The following GRK7 variants were observed in gnomAD, a reference collection of about 807,000 sequenced individuals.
The protein encoded by GRK7 is G protein-coupled receptor kinase 7, also known as rhodopsin kinase GRK7.
A neutral mutation model predicts 34.1 loss-of-function variants in GRK7; 24 were observed. The ratio of observed to expected loss-of-function variants is 0.70; its 90% CI spans 0.51 to 0.99. GRK7 has a LOEUF of 0.99. GRK7 is among the 50% of genes least tolerant of loss of function. GRK7 has a pLI of 0.00. For missense variants in GRK7, 644 were observed against 707.3 expected (o/e 0.91, Z 1.02); for synonymous variants, 256 against 279.4 (o/e 0.92, Z 0.84).
At position 141,807,769 on chromosome 3, in the gene GRK7, A is replaced by C. The variant is rs1233934126; in HGVS notation, c.1175A>C (p.Lys392Thr). 1.9e-6 allele frequency: 3 copies of C among 1,614,110 alleles called. No homozygotes were observed. Among genetic ancestry groups the C allele is most frequent in the Non-Finnish European group, 2.5e-6 (3 of 1,180,050 alleles). The stretch of plus-strand genomic sequence containing the variant: ...ATGGTTGCTGGACGAACACCATTCA[A>C]AGATTACAAGGAAAAGGTCAGTAAA... ...YEMVAGRTPF[K>T]DYKEKVSKED... Residue 392 changes from lysine to threonine, a missense_variant, in exon 5 of 6, where the codon AAA becomes ACA. Coordinates refer to ENST00000682958, the MANE Select transcript of GRK7 (RefSeq NM_139209.3).
intron 4 of GRK7, among the ~76,000 whole-genome samples, chr3:141,794,146 G>C (rs2084738535): frequency 6.6e-6 from 1 of 152,190 alleles, no homozygotes; most frequent in Admixed American, 6.5e-5. Context: ...GTGGCAGGAG[G>C]GGGACTGTGT....
chr3:141,811,139 A>G (rs1577928178), intron 5 of GRK7, among the ~76,000 whole-genome samples: 1 of 151,396 alleles, frequency 6.6e-6, no homozygotes, highest in South Asian at 2.1e-4. Flanking sequence ...ACATGATGAA[A>G]CCCCCTCTCT....
intron 4 of GRK7, among the ~76,000 whole-genome samples, chr3:141,788,058 C>T (rs2084705190): frequency 6.6e-6 from 1 of 152,148 alleles, no homozygotes; most frequent in South Asian, 2.1e-4. Flanking sequence ...ATAATACCTA[C>T]TGCCTATTTT....
Position 141,802,366 on chromosome 3 carries a change from T to TCACTCACACACA in GRK7, c.1051-5276_1051-5275insTCACACACACAC, listed in dbSNP as rs1553737503. Among the ~76,000 whole-genome samples the TCACTCACACACA allele has an allele frequency of 8.9e-5, 13 of 145,678 alleles. No individual in the cohort carries two copies. In the East Asian group the frequency reaches 2.4e-3, roughly 27 times the overall value. ...GAAACTCTCTTTCTCTCTTTCTCTG[T>TCACTCACACACA]CACACACACACACACACACACACAC... is the stretch of plus-strand genomic sequence containing the variant. On this transcript the variant is annotated intron_variant, in intron 4 of 5. Transcript: ENST00000682958.
intron 4 of GRK7, among the ~76,000 whole-genome samples, chr3:141,787,046 A>C (rs1470344939): frequency 6.6e-6 from 1 of 152,148 alleles, no homozygotes; most frequent in Non-Finnish European, 1.5e-5. Context: ...CTACAGCCAG[A>C]GTGAACTGAA....
intron 5 of GRK7, among the ~76,000 whole-genome samples, chr3:141,812,398 G>A (rs1380441681): frequency 6.6e-6 from 1 of 152,218 alleles, no homozygotes; most frequent in Non-Finnish European, 1.5e-5. Context: ...GAAATAATCA[G>A]CCTGCTATTT....
chr3:141,786,343 G>A (rs868815996), intron 4 of GRK7, among the ~76,000 whole-genome samples: 8 of 152,166 alleles, frequency 5.3e-5, no homozygotes, highest in Non-Finnish European at 1.2e-4. Context: ...AAAATTCTAA[G>A]ATGGCCCCCC....
intron 4 of GRK7, among the ~76,000 whole-genome samples, chr3:141,795,794 C>G (rs1170604761): frequency 6.6e-6 from 1 of 151,808 alleles, no homozygotes; most frequent in Non-Finnish European, 1.5e-5. Context: ...AAAAAAATAG[C>G]CTTGGAATTA....
intron 5 of GRK7, among the ~76,000 whole-genome samples, chr3:141,810,985 C>T (rs990879279): frequency 1.1e-4 from 16 of 152,280 alleles, no homozygotes; most frequent in Middle Eastern, 3.4e-3. Flanking sequence ...AAGGGAACAA[C>T]ACCCACTTGG....
the GRK7 span, among the ~76,000 whole-genome samples, chr3:141,753,421 A>G: frequency 6.6e-6 from 1 of 152,228 alleles, no homozygotes; most frequent in Middle Eastern, 3.2e-3. Flanking sequence ...CAATTTTTCC[A>G]CAGTGGGGTG....
chr3:141,812,789 T>C (rs755989844), intron 5 of GRK7, among the ~76,000 whole-genome samples: 2 of 152,140 alleles, frequency 1.3e-5, no homozygotes, highest in Non-Finnish European at 2.9e-5. Context: ...GTCTCCCGAG[T>C]TACCAAGCTC....
In GRK7 at chr3:141,788,348, C is replaced by A. The variant is rs559333614; in HGVS notation, c.1050+7537C>A. Among the ~76,000 whole-genome samples, 94 of 152,270 alleles carry A rather than the reference C, an allele frequency of 6.2e-4. 3 individuals are homozygous for A. Among genetic ancestry groups the A allele is most frequent in the Middle Eastern group, 3.4e-3 (1 of 294 alleles). ...GAAAGAGACTAGAGCTGGGGAGAAA[C>A]GGGAACCCACCAAGAGCTACTGTAA... On this transcript the variant is annotated intron_variant, in intron 4 of 5. Coordinates refer to ENST00000682958, the MANE Select transcript of GRK7 (RefSeq NM_139209.3).
intron 5 of GRK7, among the ~76,000 whole-genome samples, chr3:141,810,093 A>T (rs1331320007): frequency 6.6e-6 from 1 of 152,236 alleles, no homozygotes; most frequent in African/African-American, 2.4e-5. Flanking sequence ...TGATCCAATC[A>T]GTTGAAAGCC....
rs1300788764 is a variant in GRK7, at chr3:141,816,811, C to T, written c.1423C>T (p.Pro475Ser). ...GLIEPPFVPD[P>S]SVVYAKDIAE... ...AATTGAACCCCCATTTGTGCCAGAC[C>T]CTTCAGTGGTTTATGCCAAAGACAT... The change falls in exon 6 of 6, where the codon CCT becomes TCT. Residue 475 changes from proline (P) to serine (S), a missense_variant. By Grantham distance (74) the Pro-to-Ser change is moderately conservative. Transcript: ENST00000682958. The T allele has an allele frequency of 2.5e-6, 4 of 1,610,298 alleles. No individual in the cohort carries two copies. The highest frequency in any genetic ancestry group is 3.4e-6 in the Non-Finnish European group (4 of 1,177,468).
At chr3:141,798,579 A>G (rs535501865) in intron 4 of GRK7, among the ~76,000 whole-genome samples, 2 of 152,338 alleles carry the variant, frequency 1.3e-5, no homozygotes, top group African/African-American at 4.8e-5. Context: ...CTGCTGAGAC[A>G]GAGGCGCAGG....
At chr3:141,766,784 C>G (rs1188605501) in intron 1 of GRK7, among the ~76,000 whole-genome samples, 1 of 152,188 alleles carries the variant, frequency 6.6e-6, no homozygotes. Context: ...CTCTAATAAT[C>G]TATGTCTTCT....
chr3:141,796,628 A>G (rs117374643), intron 4 of GRK7, among the ~76,000 whole-genome samples: 2,929 of 152,324 alleles, frequency 0.019, 56 homozygotes, highest in East Asian at 0.089. Flanking sequence ...AGACACTCAC[A>G]GTTGTCTTGC....
In GRK7 at chr3:141,811,086, G is replaced by C. The variant is rs570836387; in HGVS notation, c.1325+3167G>C. 3.9e-5 allele frequency among the ~76,000 whole-genome samples: 6 copies of C among 152,148 alleles called. No homozygotes were observed. In the East Asian group the frequency reaches 1.2e-3, roughly 29 times the overall value. The stretch of plus-strand genomic sequence containing the variant: ...TCCCAGCACTTTGGGAGGCCAAGGC[G>C]GGTGGGTCACCTGAGGTCAGGAGTT... On this transcript the variant is annotated intron_variant, in intron 5 of 5. Coordinates refer to ENST00000682958, the MANE Select transcript of GRK7 (RefSeq NM_139209.3).
At chr3:141,751,590 A>G in the GRK7 span, among the ~76,000 whole-genome samples, 2 of 152,260 alleles carry the variant, frequency 1.3e-5, no homozygotes, top group Non-Finnish European at 2.9e-5. Flanking sequence ...ACATGTGGTA[A>G]GTGGTATGTG....
Sources: gnomAD v4.1 joint callset for allele counts (sites outside exome capture counted in the v4.1 genomes callset) on GRCh38, gnomAD v4.1.1 for gene constraint, MANE v1.5 for transcripts, NCBI Gene and HGNC (gene_info 2026-07-23, HGNC 2026-07-21) for gene names.